The following RYR3 variants were observed in gnomAD, a reference collection of about 807,000 sequenced individuals.
RYR3 encodes brain ryanodine receptor-calcium release channel.
Under a neutral mutation model 584.3 loss-of-function variants are expected in RYR3, and 207 were observed. The ratio of observed to expected loss-of-function variants is 0.35; its 90% CI spans 0.32 to 0.40. The LOEUF (loss-of-function observed/expected upper bound fraction) is 0.40. Among genes scored for constraint, RYR3 ranks in the 10% least tolerant of loss-of-function variants. The pLI is 1.00. For missense variants in RYR3, 5,616 were observed against 6,089.2 expected (o/e 0.92, Z 2.59); for synonymous variants, 2,416 against 2,248.5 (o/e 1.07, Z -2.11).
chr15:33,371,530 A>G (rs2040330574), intron 1 of RYR3, among the ~76,000 whole-genome samples: 1 of 152,212 alleles, frequency 6.6e-6, no homozygotes, highest in Non-Finnish European at 1.5e-5. Flanking sequence ...GATGCTAGGT[A>G]TGGATGAATG....
At chr15:33,791,237 T>C (rs1233072635) in intron 67 of RYR3, among the ~76,000 whole-genome samples, 1 of 152,070 alleles carries the variant, frequency 6.6e-6, no homozygotes, top group African/African-American at 2.4e-5. Context: ...AAGGATCCAA[T>C]AGAGATGGGG....
intron 1 of RYR3, among the ~76,000 whole-genome samples, chr15:33,450,927 A>C (rs1196927477): frequency 1.3e-5 from 2 of 152,062 alleles, no homozygotes; most frequent in East Asian, 3.9e-4. Flanking sequence ...ATTCCCTCAG[A>C]GGTTTGCTGT....
In RYR3 at chr15:33,825,700, G is replaced by A. The variant is rs750587862; in HGVS notation, c.11146+24G>A. 3.2e-6 allele frequency: 4 copies of A among 1,264,034 alleles called. No individual in the cohort carries two copies. The African/African-American group carries it at 4.6e-5, about 14-fold the overall frequency. 78.3% of individuals were successfully genotyped at this position (1,264,034 alleles called of 1,614,324 possible). On this transcript the variant is annotated intron_variant, in intron 82 of 103. Transcript: ENST00000634891. ...ACGTAAGTAACTAATGAATGTGAAG[G>A]CCATTCTCTTCCTGATTAAAATCTT...
intron 49 of RYR3, among the ~76,000 whole-genome samples, chr15:33,736,737 GT>G: frequency 6.7e-6 from 1 of 150,008 alleles, no homozygotes; most frequent in Non-Finnish European, 1.5e-5. Flanking sequence ...AATCTTTTTT[GT>G]TTGTTTGTTT....
rs1316666565 is a variant in RYR3 at position 33,821,609 on chromosome 15, G to T, written c.10995+7G>T. The T allele has an allele frequency of 6.2e-7, 1 of 1,613,522 alleles. No individual in the cohort carries two copies. Among genetic ancestry groups the T allele is most frequent in the Admixed American group, 1.7e-5 (1 of 60,010 alleles). Reference sequence around the variant, plus strand: ...CAATGCTGGTGTGCAACAGGTAACGGGAACTTGCAGCGGCTGGGCAGGCTC... The same window carrying T: ...CAATGCTGGTGTGCAACAGGTAACGTGAACTTGCAGCGGCTGGGCAGGCTC... On this transcript the variant is annotated splice_region_variant and intron_variant, in intron 80 of 103. Transcript: ENST00000634891.
In RYR3 at chr15:33,748,116, G is replaced by A. The variant is rs1416889043; in HGVS notation, c.7992G>A (p.Glu2664=). 6.2e-7 allele frequency: 1 copy of A among 1,613,526 alleles called. No homozygotes were observed. The highest frequency in any genetic ancestry group is 8.5e-7 in the Non-Finnish European group (1 of 1,179,872). ...IRPFKTLTEK[E]KEIYRWPARE... Reference sequence around the variant, plus strand: ...CTTCTGCTCAAATTCTCTTCTAGGAGAAGGAAATTTATCGCTGGCCTGCGC... The same window carrying A: ...CTTCTGCTCAAATTCTCTTCTAGGAAAAGGAAATTTATCGCTGGCCTGCGC... Residue 2664 remains glutamate (E), a splice_region_variant and synonymous_variant, in exon 54 of 104, where the codon GAG becomes GAA. Coordinates refer to ENST00000634891, the MANE Select transcript of RYR3 (RefSeq NM_001036.6).
chr15:33,558,322 C>T (rs192464924), intron 10 of RYR3, among the ~76,000 whole-genome samples: 1 of 151,374 alleles, frequency 6.6e-6, no homozygotes, highest in African/African-American at 2.4e-5. Context: ...GTTCAATTCC[C>T]ACCTATGAGT....
intron 17 of RYR3, 75 bp downstream of exon 17, chr15:33,601,627 C>G (rs3829479): frequency 0.65 from 990,239 of 1,535,188 alleles, 322,241 homozygotes; most frequent in East Asian, 0.93. Flanking sequence ...AAAGAGGGCT[C>G]ATCTGAACTC....
At chr15:33,342,702 TGCTTCTCTTCAAAATG>T (rs955360636) in intron 1 of RYR3, among the ~76,000 whole-genome samples, 19 of 152,218 alleles carry the variant, frequency 1.2e-4, no homozygotes, top group African/African-American at 4.6e-4. Context: ...AGAAGCAAGA[TGCTTCTCTTCAAAATG>T]GCATGAGTTC....
chr15:33,681,763 G>A (rs1452982891), intron 38 of RYR3, among the ~76,000 whole-genome samples: 1 of 152,138 alleles, frequency 6.6e-6, no homozygotes, highest in African/African-American at 2.4e-5. Flanking sequence ...TGTAACCTAA[G>A]TGTGGTGCAA....
chr15:33,387,830 A>G (rs2041723500), intron 1 of RYR3, among the ~76,000 whole-genome samples: 3 of 152,182 alleles, frequency 2.0e-5, no homozygotes, highest in Admixed American at 2.0e-4. Context: ...GAAAGGGTAG[A>G]TGATTTTGAG....
chr15:33,355,272 A>G (rs897661000), intron 1 of RYR3, among the ~76,000 whole-genome samples: 5 of 152,166 alleles, frequency 3.3e-5, no homozygotes, highest in African/African-American at 1.2e-4. Flanking sequence ...AGATCAGGCA[A>G]AATTATGAAT....
chr15:33,802,204 G>T lies in RYR3; in HGVS notation c.10011+243G>T, dbSNP rs554018996. 7.0e-5 allele frequency: 43 copies of T among 614,392 alleles called. 1 individual carries two copies. Among genetic ancestry groups the T allele is most frequent in the South Asian group, 6.4e-4 (43 of 67,240 alleles). The allele number at this position is 614,392 out of a possible 1,614,324, so 38.1% of individuals were successfully genotyped here. On this transcript the variant is annotated intron_variant, in intron 69 of 103. Transcript: ENST00000634891. ...TCAAAAAGCTTAAGTTTCAAGACTT[G>T]CCTAAGGCATTTGAGAGGTCTCCAA...
At position 33,705,101 on chromosome 15, in the gene RYR3, T is replaced by TTCTCTCTCTCTCTCTCTCTC. The variant is rs10534581; in HGVS notation, c.6484-1803_6484-1784dup. ...GCACACACACATGCACACACACTCT[T>TTCTCTCTCTCTCTCTCTCTC]TCTCTCTCTCTCTCTCTCTCTCTCT... On this transcript the variant is annotated intron_variant, in intron 42 of 103. Coordinates refer to ENST00000634891, the MANE Select transcript of RYR3 (RefSeq NM_001036.6). Among the ~76,000 whole-genome samples, 1,133 of 142,112 alleles carry TTCTCTCTCTCTCTCTCTCTC rather than the reference T, an allele frequency of 8.0e-3. 43 individuals carry two copies. Among genetic ancestry groups the TTCTCTCTCTCTCTCTCTCTC allele is most frequent in the African/African-American group, 0.029 (1,054 of 36,900 alleles). The allele number at this position is 142,112 out of a possible 152,430, so 93.2% of individuals were successfully genotyped here.
chr15:33,763,904 A>AAAAAAAAC (rs2072747972), intron 60 of RYR3, among the ~76,000 whole-genome samples: 2 of 130,576 alleles, frequency 1.5e-5, no homozygotes, highest in African/African-American at 6.6e-5. Flanking sequence ...AAAAAAAAAA[A>AAAAAAAAC]AAAAAAAAAA....
chr15:33,378,793 C>T (rs1310741696), intron 1 of RYR3, among the ~76,000 whole-genome samples: 1 of 152,066 alleles, frequency 6.6e-6, no homozygotes, highest in Non-Finnish European at 1.5e-5. Flanking sequence ...GCAAGAACCC[C>T]ATCTCTATAA....
intron 38 of RYR3, among the ~76,000 whole-genome samples, chr15:33,672,759 A>T (rs1225205501): frequency 6.6e-6 from 1 of 152,246 alleles, no homozygotes; most frequent in Non-Finnish European, 1.5e-5. Flanking sequence ...TTGATGAAAT[A>T]ATAAAAGTGT....
chr15:33,567,289 G>T (rs1216493863), intron 12 of RYR3, among the ~76,000 whole-genome samples: 1 of 152,124 alleles, frequency 6.6e-6, no homozygotes, highest in African/African-American at 2.4e-5. Context: ...CTGTCTGCTT[G>T]GATCATAATC....
intron 10 of RYR3, among the ~76,000 whole-genome samples, chr15:33,554,709 A>G (rs2056952518): frequency 6.6e-6 from 1 of 152,210 alleles, no homozygotes; most frequent in South Asian, 2.1e-4. Flanking sequence ...TTGAACATCT[A>G]AGTCAAATTT....
Sources: gnomAD v4.1 joint callset for allele counts (sites outside exome capture counted in the v4.1 genomes callset) on GRCh38, gnomAD v4.1.1 for gene constraint, MANE v1.5 for transcripts, NCBI Gene and HGNC (gene_info 2026-07-23, HGNC 2026-07-21) for gene names.